C19orf84: variants seen among roughly 807,000 people sequenced by gnomAD.
The protein encoded by C19orf84 is piRNA-mediated silencing protein C19orf84.
In C19orf84, 1 loss-of-function variant was observed where a neutral mutation model predicts 4.0. That is an observed-to-expected ratio of 0.25 (90% CI 0.09 to 1.19). The LOEUF is 1.19. C19orf84 is among the 50% of genes most tolerant of loss of function. The probability of loss-of-function intolerance (pLI) is 0.50; values close to 1 mark genes in which losing one functional copy is unlikely to be tolerated. For missense variants in C19orf84, 224 were observed against 246.8 expected (o/e 0.91, Z 0.62); for synonymous variants, 123 against 109.6 (o/e 1.12, Z -0.76).
rs1421219473 is a variant in C19orf84, at chr19:51,389,212, G to C, written c.333C>G (p.Val111=). 1 of 1,534,360 alleles carries C rather than the reference G, an allele frequency of 6.5e-7. No individual in the cohort carries two copies. Among genetic ancestry groups the C allele is most frequent in the Admixed American group, 2.0e-5 (1 of 50,830 alleles). ...CTCGGCCCCAGCCTGGCCTGTGCCT[G>C]ACTTCCCAGCCTCCGCGTCCCCTGG... The part of the protein sequence containing the change: ...RPPRGRGGWE[V]RHRPGWGRGL... The change falls in exon 2 of 2, where the codon GTC becomes GTG. Residue 111 remains valine (V), a synonymous_variant. Transcript: ENST00000574814. The surrounding 1 kb of genome is among the most constrained non-coding windows in gnomAD (Gnocchi z 4.7).
chr19:51,389,505 T>C lies in C19orf84; in HGVS notation c.40A>G (p.Asn14Asp). 7.0e-7 allele frequency: 1 copy of C among 1,423,880 alleles called. No individual in the cohort carries two copies. Among genetic ancestry groups the C allele is most frequent in the Non-Finnish European group, 9.1e-7 (1 of 1,093,086 alleles). The allele number at this position is 1,423,880 out of a possible 1,614,324, so 88.2% of individuals were successfully genotyped here. A position where few individuals can be genotyped will look rare whatever the true frequency, so the allele number is the denominator to read the frequency against. The change falls in exon 2 of 2, where the codon AAC becomes GAC. Residue 14 changes from asparagine to aspartate, a missense_variant. Asn to Asp is a conservative substitution (Grantham distance 23). Transcript: ENST00000574814. The surrounding 1 kb of genome is among the most constrained non-coding windows in gnomAD (Gnocchi z 4.7). ...PKDGAGPEGN[N>D]LSLPSSGTEP... is the part of the protein sequence containing the mutation. The stretch of plus-strand genomic sequence containing the variant: ...GTCCCAGATGACGGCAGGGACAGGT[T>C]GTTCCTAGAACAACAAAAAGACAGG...
Position 51,390,570 on chromosome 19 carries a change from G to A in C19orf84, c.-58C>T. 6 of 1,499,578 alleles carry A rather than the reference G, an allele frequency of 4.0e-6. No homozygotes were observed. The highest frequency in any genetic ancestry group is 2.5e-5 in the South Asian group (2 of 79,950). The allele number at this position is 1,499,578 out of a possible 1,614,324, so 92.9% of individuals were successfully genotyped here. A position where few individuals can be genotyped will look rare whatever the true frequency, so the allele number is the denominator to read the frequency against. ...AACTTCGCCTCCGAGATCCTTCGGG[G>A]GCCCGGGAAGGTTGGGGAGGGGCCG... On this transcript the variant is annotated 5_prime_UTR_variant, in exon 1 of 2. Coordinates refer to ENST00000574814, the MANE Select transcript of C19orf84 (RefSeq NM_001193623.2).
chr19:51,389,552 G>C lies in C19orf84; in HGVS notation c.36-43C>G. The C allele has an allele frequency of 1.5e-6, 2 of 1,359,412 alleles. No homozygotes were observed. Among genetic ancestry groups the C allele is most frequent in the Non-Finnish European group, 1.9e-6 (2 of 1,058,324 alleles). 84.2% of individuals were successfully genotyped at this position (1,359,412 alleles called of 1,614,324 possible). On this transcript the variant is annotated intron_variant, in intron 1 of 1. Transcript: ENST00000574814. This position sits in a 1 kb window ranked among gnomAD's most constrained non-coding sequence, Gnocchi z 4.7. ...CAGGTCAGTGGGGCTCAGCGTCTCCGTACTTTCTTGTTTCTCGCTGCCAGG... is the reference window on the plus strand; with the variant it reads ...CAGGTCAGTGGGGCTCAGCGTCTCCCTACTTTCTTGTTTCTCGCTGCCAGG...
rs890632684 is a variant in C19orf84, at chr19:51,389,012, G to C, written c.533C>G (p.Ala178Gly). ...GPEPPLETPL[A>G]AEDWETEY Reference sequence around the variant, plus strand: ...GTACTCTGTCTCCCAGTCCTCAGCAGCCAGTGGTGTTTCCAGGGGTGGCTC... The same window carrying C: ...GTACTCTGTCTCCCAGTCCTCAGCACCCAGTGGTGTTTCCAGGGGTGGCTC... The change falls in exon 2 of 2, where the codon GCT becomes GGT. Residue 178 changes from alanine to glycine, a missense_variant. Coordinates refer to ENST00000574814, the MANE Select transcript of C19orf84 (RefSeq NM_001193623.2). This position sits in a 1 kb window ranked among gnomAD's most constrained non-coding sequence, Gnocchi z 4.7. 2 of 1,536,094 alleles carry C rather than the reference G, an allele frequency of 1.3e-6. No homozygotes were observed. The highest frequency in any genetic ancestry group is 1.2e-5 in the South Asian group (1 of 84,068).
rs1441366667 is a variant in C19orf84, at chr19:51,388,732, G to A, written c.*252C>T. On this transcript the variant is annotated 3_prime_UTR_variant, in exon 2 of 2. Coordinates refer to ENST00000574814, the MANE Select transcript of C19orf84 (RefSeq NM_001193623.2). Reference sequence around the variant, plus strand: ...TGGTTGTGGTTGGGGATGGCATTGGGAATGGGGTTGAGGCCATCAAGGAGA... The same window carrying A: ...TGGTTGTGGTTGGGGATGGCATTGGAAATGGGGTTGAGGCCATCAAGGAGA... 1.1e-5 allele frequency: 6 copies of A among 549,402 alleles called. No individual in the cohort carries two copies. The highest frequency in any genetic ancestry group is 1.9e-5 in the African/African-American group (1 of 52,420). 34.0% of individuals were successfully genotyped at this position (549,402 alleles called of 1,614,324 possible). A position where few individuals can be genotyped will look rare whatever the true frequency, so the allele number is the denominator to read the frequency against.
Position 51,388,813 on chromosome 19 carries a change from G to T in C19orf84, c.*171C>A. The T allele has an allele frequency of 1.4e-6, 1 of 699,920 alleles. No homozygotes were observed. Among genetic ancestry groups the T allele is most frequent in the Non-Finnish European group, 2.3e-6 (1 of 429,148 alleles). 43.4% of individuals were successfully genotyped at this position (699,920 alleles called of 1,614,324 possible). The stretch of plus-strand genomic sequence containing the variant: ...TCTCACTTGGGATTCAGGTGACTTA[G>T]GTCAGGTTCACCAAGTGCCTCACAG... On this transcript the variant is annotated 3_prime_UTR_variant, in exon 2 of 2. Transcript: ENST00000574814.
chr19:51,390,554 T>C lies in C19orf84; in HGVS notation c.-42A>G. 3 of 1,510,864 alleles carry C rather than the reference T, an allele frequency of 2.0e-6. No individual in the cohort carries two copies. Among genetic ancestry groups the C allele is most frequent in the Non-Finnish European group, 2.6e-6 (3 of 1,132,712 alleles). 93.6% of individuals were successfully genotyped at this position (1,510,864 alleles called of 1,614,324 possible). On this transcript the variant is annotated 5_prime_UTR_variant, in exon 1 of 2. Transcript: ENST00000574814. ...TTACGTATCTTCTAGCAACTTCGCCTCCGAGATCCTTCGGGGGCCCGGGAA... is the reference window on the plus strand; with the variant it reads ...TTACGTATCTTCTAGCAACTTCGCCCCCGAGATCCTTCGGGGGCCCGGGAA...
chr19:51,388,819 G>T lies in C19orf84; in HGVS notation c.*165C>A. 2 of 749,618 alleles carry T rather than the reference G, an allele frequency of 2.7e-6. No homozygotes were observed. The highest frequency in any genetic ancestry group is 4.2e-6 in the Non-Finnish European group (2 of 474,274). The allele number at this position is 749,618 out of a possible 1,614,324, so 46.4% of individuals were successfully genotyped here. ...TTGGGATTCAGGTGACTTAGGTCAGGTTCACCAAGTGCCTCACAGGAGCTA... is the reference window on the plus strand; with the variant it reads ...TTGGGATTCAGGTGACTTAGGTCAGTTTCACCAAGTGCCTCACAGGAGCTA... On this transcript the variant is annotated 3_prime_UTR_variant, in exon 2 of 2. Transcript: ENST00000574814.
In C19orf84 at chr19:51,389,319, A is replaced by G. The variant is rs1026773077; in HGVS notation, c.226T>C (p.Tyr76His). ...CLLHSALLGA[Y>H]TFQQALPSCP... is the part of the protein sequence containing the mutation. ...GAGGGCAAGGCCTGTTGGAAGGTGT[A>G]GGCCCCCAGCAGGGCGCTGTGCAGG... is the stretch of plus-strand genomic sequence containing the variant. The change falls in exon 2 of 2, where the codon TAC becomes CAC. Residue 76 changes from tyrosine to histidine, a missense_variant. Coordinates refer to ENST00000574814, the MANE Select transcript of C19orf84 (RefSeq NM_001193623.2). The surrounding 1 kb of genome is among the most constrained non-coding windows in gnomAD (Gnocchi z 4.7). 9.8e-6 allele frequency: 15 copies of G among 1,535,632 alleles called. No individual in the cohort carries two copies. The African/African-American group carries it at 1.8e-4, about 18-fold the overall frequency.
At chr19:51,390,038 G>A (rs901047462) in intron 1 of C19orf84, among the ~76,000 whole-genome samples, 4 of 151,774 alleles carry the variant, frequency 2.6e-5, no homozygotes, top group Admixed American at 6.6e-5. Context: ...GAGTGCAATG[G>A]CGCTAACTTG....
Position 51,388,446 on chromosome 19 carries a change from T to C in C19orf84, c.*538A>G, listed in dbSNP as rs1987159252. 1 of 159,548 alleles carries C rather than the reference T, an allele frequency of 6.3e-6. No homozygotes were observed. The highest frequency in any genetic ancestry group is 1.4e-5 in the Non-Finnish European group (1 of 72,276). 9.9% of individuals were successfully genotyped at this position (159,548 alleles called of 1,614,324 possible). On this transcript the variant is annotated 3_prime_UTR_variant, in exon 2 of 2. Coordinates refer to ENST00000574814, the MANE Select transcript of C19orf84 (RefSeq NM_001193623.2). ...GGCTGAGGTTGAGGATGGAGCTCTT[T>C]GGGGCTGTAGATTCAGAGGACATTA...
In C19orf84 at chr19:51,388,356, G is replaced by A; in HGVS notation, c.*628C>T. ...ACCTGAAGAGCAGGCAGTGGGGTGG[G>A]GAGTCACAGGTGTCTGGGTATGTGG... On this transcript the variant is annotated 3_prime_UTR_variant, in exon 2 of 2. Transcript: ENST00000574814. 6.4e-6 allele frequency: 1 copy of A among 157,058 alleles called. No individual in the cohort carries two copies. Among genetic ancestry groups the A allele is most frequent in the Middle Eastern group, 3.3e-3 (1 of 304 alleles). The allele number at this position is 157,058 out of a possible 1,614,324, so 9.7% of individuals were successfully genotyped here.
chr19:51,388,860 T>G lies in C19orf84; in HGVS notation c.*124A>C. 7 of 1,125,694 alleles carry G rather than the reference T, an allele frequency of 6.2e-6. No individual in the cohort carries two copies. Among genetic ancestry groups the G allele is most frequent in the Non-Finnish European group, 8.6e-6 (7 of 812,624 alleles). The allele number at this position is 1,125,694 out of a possible 1,614,324, so 69.7% of individuals were successfully genotyped here. ...ACAGGAGCTACTCCTGGGATTGTGG[T>G]TTTGGGGAGAGGGGAGGATGGAAGA... On this transcript the variant is annotated 3_prime_UTR_variant, in exon 2 of 2. Coordinates refer to ENST00000574814, the MANE Select transcript of C19orf84 (RefSeq NM_001193623.2).
Position 51,390,548 on chromosome 19 carries a change from T to G in C19orf84, c.-36A>C. ...GCCCTCTTACGTATCTTCTAGCAAC[T>G]TCGCCTCCGAGATCCTTCGGGGGCC... On this transcript the variant is annotated 5_prime_UTR_variant, in exon 1 of 2. Coordinates refer to ENST00000574814, the MANE Select transcript of C19orf84 (RefSeq NM_001193623.2). The G allele has an allele frequency of 6.6e-7, 1 of 1,514,420 alleles. No homozygotes were observed. Among genetic ancestry groups the G allele is most frequent in the Non-Finnish European group, 8.8e-7 (1 of 1,134,872 alleles). 93.8% of individuals were successfully genotyped at this position (1,514,420 alleles called of 1,614,324 possible).
At position 51,389,197 on chromosome 19, in the gene C19orf84, G is replaced by T; in HGVS notation, c.348C>A (p.Gly116=). The T allele has an allele frequency of 6.5e-7, 1 of 1,534,672 alleles. No homozygotes were observed. Among genetic ancestry groups the T allele is most frequent in the Non-Finnish European group, 8.7e-7 (1 of 1,146,054 alleles). ...RGGWEVRHRP[G]WGRGLHRRGL... is the part of the protein sequence containing the mutation. Reference sequence around the variant, plus strand: ...CCCGTCGATGCAGGCCTCGGCCCCAGCCTGGCCTGTGCCTGACTTCCCAGC... The same window carrying T: ...CCCGTCGATGCAGGCCTCGGCCCCATCCTGGCCTGTGCCTGACTTCCCAGC... Residue 116 remains glycine (G), a synonymous_variant, in exon 2 of 2, where the codon GGC becomes GGA. Transcript: ENST00000574814. The surrounding 1 kb of genome is among the most constrained non-coding windows in gnomAD (Gnocchi z 4.7).
Position 51,389,513 on chromosome 19 carries a change from G to A in C19orf84, c.36-4C>T. On this transcript the variant is annotated splice_region_variant and splice_polypyrimidine_tract_variant and intron_variant, in intron 1 of 1. Transcript: ENST00000574814. This position sits in a 1 kb window ranked among gnomAD's most constrained non-coding sequence, Gnocchi z 4.7. ...TGACGGCAGGGACAGGTTGTTCCTA[G>A]AACAACAAAAAGACAGGTCAGTGGG... The A allele has an allele frequency of 7.1e-7, 1 of 1,416,280 alleles. No individual in the cohort carries two copies. Among genetic ancestry groups the A allele is most frequent in the South Asian group, 1.6e-5 (1 of 62,442 alleles). The allele number at this position is 1,416,280 out of a possible 1,614,324, so 87.7% of individuals were successfully genotyped here.
At position 51,390,575 on chromosome 19, in the gene C19orf84, G is replaced by A. The variant is rs1180206257; in HGVS notation, c.-63C>T. On this transcript the variant is annotated 5_prime_UTR_variant, in exon 1 of 2. Transcript: ENST00000574814. ...CGCCTCCGAGATCCTTCGGGGGCCC[G>A]GGAAGGTTGGGGAGGGGCCGAGGCC... 2 of 1,488,776 alleles carry A rather than the reference G, an allele frequency of 1.3e-6. No individual in the cohort carries two copies. The highest frequency in any genetic ancestry group is 1.8e-6 in the Non-Finnish European group (2 of 1,117,878). The allele number at this position is 1,488,776 out of a possible 1,614,324, so 92.2% of individuals were successfully genotyped here.
At position 51,389,792 on chromosome 19, in the gene C19orf84, C is replaced by T. The variant is rs1000110447; in HGVS notation, c.36-283G>A. On this transcript the variant is annotated intron_variant, in intron 1 of 1. Transcript: ENST00000574814. The surrounding 1 kb of genome is among the most constrained non-coding windows in gnomAD (Gnocchi z 4.7). ...CTTTGGACAAATCATTTTCCTATTC[C>T]GAACCTTAATTTGTTTATAGTCACA... 3.3e-5 allele frequency among the ~76,000 whole-genome samples: 5 copies of T among 152,136 alleles called. No individual in the cohort carries two copies. Among genetic ancestry groups the T allele is most frequent in the Admixed American group, 2.0e-4 (3 of 15,268 alleles).
rs1197009788 is a variant in C19orf84 at position 51,388,753 on chromosome 19, G to A, written c.*231C>T. On this transcript the variant is annotated 3_prime_UTR_variant, in exon 2 of 2. Coordinates refer to ENST00000574814, the MANE Select transcript of C19orf84 (RefSeq NM_001193623.2). ...TTGGGAATGGGGTTGAGGCCATCAAGGAGACAGGTTTGGGTACGAGGTTTA... is the reference window on the plus strand; with the variant it reads ...TTGGGAATGGGGTTGAGGCCATCAAAGAGACAGGTTTGGGTACGAGGTTTA... 1.7e-6 allele frequency: 1 copy of A among 579,390 alleles called. No homozygotes were observed. The highest frequency in any genetic ancestry group is 3.1e-6 in the Non-Finnish European group (1 of 327,818). The allele number at this position is 579,390 out of a possible 1,614,324, so 35.9% of individuals were successfully genotyped here. A position where few individuals can be genotyped will look rare whatever the true frequency, so the allele number is the denominator to read the frequency against.
Sources: allele counts gnomAD v4.1 joint callset (sites outside exome capture counted in the v4.1 genomes callset), GRCh38; gene constraint gnomAD v4.1.1; non-coding constraint Gnocchi (gnomAD v3.1); transcripts MANE v1.5; gene names NCBI Gene and HGNC (gene_info 2026-07-23, HGNC 2026-07-21).